The following CLCN4 variants were observed in gnomAD, a reference collection of about 807,000 sequenced individuals.
The protein encoded by CLCN4 is Cl-/H+ antiporter 4.
CLCN4 carries 1 observed loss-of-function variant against 41.7 expected under a neutral mutation model. The ratio of observed to expected loss-of-function variants is 0.02; its 90% CI spans 0.01 to 0.11. The LOEUF is 0.11. CLCN4 is among the 10% of genes least tolerant of loss of function. The probability of loss-of-function intolerance (pLI) is 1.00; values close to 1 mark genes in which losing one functional copy is unlikely to be tolerated. For missense variants in CLCN4, 287 were observed against 661.0 expected (o/e 0.43, Z 6.20); for synonymous variants, 277 against 285.8 (o/e 0.97, Z 0.31).
intron 5 of CLCN4, among the ~76,000 whole-genome samples, chrX:10,197,267 C>T (rs1399206358): frequency 8.9e-6 from 1 of 112,287 alleles, no homozygotes; most frequent in Non-Finnish European, 1.9e-5. Flanking sequence ...AAAGTGATCA[C>T]GTTTTTCTTC....
intron 4 of CLCN4, among the ~76,000 whole-genome samples, chrX:10,192,220 C>T (rs183804489): frequency 9.3e-5 from 10 of 107,840 alleles, no homozygotes; most frequent in South Asian, 4.1e-4. Flanking sequence ...CCTTTTTTAC[C>T]CACCACTTAT....
chrX:10,175,564 A>G (rs914863080), intron 2 of CLCN4, among the ~76,000 whole-genome samples: 1 of 111,595 alleles, frequency 9.0e-6, no homozygotes, highest in Non-Finnish European at 1.9e-5. Flanking sequence ...AATCTGTAAG[A>G]AATGAAGCTT....
At position 10,206,901 on chromosome X, in the gene CLCN4, T is replaced by TTTTG. The variant is rs1306184806; in HGVS notation, c.843+128_843+129insGTTT. 10,072 of 469,330 alleles carry TTTTG rather than the reference T, an allele frequency of 0.021. 562 individuals carry two copies. The African/African-American group carries it at 0.22, about 10-fold the overall frequency. 38.7% of individuals were successfully genotyped at this position (469,330 alleles called of 1,213,427 possible). ...AGGAGCCACAATTTCCACTGTTTTT[T>TTTTG]TTTTGTTTTGTTTTTGTTTTTGTTT... is the stretch of plus-strand genomic sequence containing the variant. On this transcript the variant is annotated intron_variant, in intron 8 of 12. Transcript: ENST00000380833.
chrX:10,232,877 A>C (rs909544845), intron 12 of CLCN4, among the ~76,000 whole-genome samples: 2 of 111,644 alleles, frequency 1.8e-5, no homozygotes, highest in African/African-American at 6.5e-5. Context: ...ATTTACGTAT[A>C]TAGTCAGAGA....
intron 2 of CLCN4, among the ~76,000 whole-genome samples, chrX:10,179,141 G>T (rs778198029): frequency 1.7e-4 from 19 of 112,499 alleles, no homozygotes; most frequent in Non-Finnish European, 3.4e-4. Flanking sequence ...TGAAGATAGC[G>T]CTGAACTTTC....
intron 2 of CLCN4, among the ~76,000 whole-genome samples, chrX:10,180,962 G>A (rs967418098): frequency 9.1e-5 from 10 of 109,838 alleles, no homozygotes; most frequent in African/African-American, 2.6e-4. Flanking sequence ...ACAAGCCTTC[G>A]GATGATGCCA....
intron 9 of CLCN4, among the ~76,000 whole-genome samples, chrX:10,209,142 T>G (rs1924471637): frequency 9.0e-6 from 1 of 111,345 alleles, no homozygotes; most frequent in African/African-American, 3.3e-5. Flanking sequence ...AGCACCACGC[T>G]GGTATGACGG....
At chrX:10,171,099 G>A (rs775962494) in intron 2 of CLCN4, among the ~76,000 whole-genome samples, 3 of 111,728 alleles carry the variant, frequency 2.7e-5, no homozygotes, top group Non-Finnish European at 3.8e-5. Context: ...TGTTGGTCAG[G>A]CTGGTCTCGA....
At chrX:10,175,541 G>A (rs1347286662) in intron 2 of CLCN4, among the ~76,000 whole-genome samples, 2 of 111,606 alleles carry the variant, frequency 1.8e-5, no homozygotes, top group Non-Finnish European at 3.8e-5. Context: ...ATGAGTCACT[G>A]GGGCTCCTGG....
At position 10,208,112 on chromosome X, in the gene CLCN4, C is replaced by T. The variant is rs758243017; in HGVS notation, c.911C>T (p.Thr304Met). 9 of 1,209,675 alleles carry T rather than the reference C, an allele frequency of 7.4e-6. No individual in the cohort carries two copies. The highest frequency in any genetic ancestry group is 2.2e-5 in the Admixed American group (1 of 45,750). The stretch of plus-strand genomic sequence containing the variant: ...TTCGCAGCCCTGGTGGCGGCCTTTA[C>T]GCTGAGATCCATCAATCCCTTTGGG... ...SFFAALVAAF[T>M]LRSINPFGNS... The change falls in exon 9 of 13, where the codon ACG becomes ATG. Residue 304 changes from threonine to methionine, a missense_variant. Physicochemically the swap from Thr to Met is moderately conservative, Grantham distance 81. This residue lies in a region of CLCN4 where 8 missense variants were observed against 51.0 expected (regional missense o/e 0.16). Coordinates refer to ENST00000380833, the MANE Select transcript of CLCN4 (RefSeq NM_001830.4).
chrX:10,161,029 G>A (rs755920845), intron 2 of CLCN4, among the ~76,000 whole-genome samples: 1 of 110,253 alleles, frequency 9.1e-6, no homozygotes, highest in East Asian at 2.9e-4. Flanking sequence ...GTGGTGGTGG[G>A]GTGCTTAGAA....
chrX:10,157,897 C>T (rs771994464), intron 1 of CLCN4, among the ~76,000 whole-genome samples: 3 of 112,533 alleles, frequency 2.7e-5, no homozygotes, highest in Non-Finnish European at 5.6e-5. Context: ...CGTGGTGTCA[C>T]CATTTTTTCC....
At chrX:10,183,172 C>T (rs191374015) in intron 2 of CLCN4, among the ~76,000 whole-genome samples, 102 of 112,181 alleles carry the variant, frequency 9.1e-4, no homozygotes, top group African/African-American at 3.2e-3. Context: ...TTCCTCATAT[C>T]ATTGGTTGCT....
intron 6 of CLCN4, among the ~76,000 whole-genome samples, chrX:10,205,607 CTTTT>C (rs923729645): frequency 3.3e-5 from 3 of 90,641 alleles, no homozygotes; most frequent in East Asian, 3.2e-4. Context: ...TGGCATATTC[CTTTT>C]TTTTTTTTTT....
In CLCN4 at chrX:10,236,319, CAGTT is replaced by C. The variant is rs1487704377; in HGVS notation, c.*2736_*2739del. 1 of 111,991 alleles carries C rather than the reference CAGTT, an allele frequency of 8.9e-6. No individual in the cohort carries two copies. The highest frequency in any genetic ancestry group is 9.5e-5 in the Admixed American group (1 of 10,565). 9.2% of individuals were successfully genotyped at this position (111,991 alleles called of 1,213,427 possible). Reference sequence around the variant, plus strand: ...GAGATACCTGCAAATTCATGGCAAACAGTTGGAAGAGTTACTTGACTGAAACAAC... The same window carrying C: ...GAGATACCTGCAAATTCATGGCAAACGGAAGAGTTACTTGACTGAAACAAC... On this transcript the variant is annotated 3_prime_UTR_variant, in exon 13 of 13. Transcript: ENST00000380833.
intron 2 of CLCN4, among the ~76,000 whole-genome samples, chrX:10,166,278 G>A (rs902237984): frequency 6.2e-5 from 7 of 112,095 alleles, no homozygotes; most frequent in Non-Finnish European, 1.3e-4. Flanking sequence ...CATCAGCAGC[G>A]CGCGTCCCTT....
chrX:10,197,790 G>C, intron 5 of CLCN4, 149 bp from the exon 6 acceptor site: 1 of 586,654 alleles, frequency 1.7e-6, no homozygotes, highest in Non-Finnish European at 2.7e-6. Flanking sequence ...ATAAACCTAC[G>C]CTGGCCTTTT....
At chrX:10,174,079 C>G (rs1178182947) in intron 2 of CLCN4, among the ~76,000 whole-genome samples, 2 of 112,405 alleles carry the variant, frequency 1.8e-5, no homozygotes, top group Non-Finnish European at 3.8e-5. Flanking sequence ...CAAGCATCCC[C>G]TGGGGGCAGA....
rs1010755464 is a variant in CLCN4, at chrX:10,204,094, C to T, written c.556-2264C>T. Among the ~76,000 whole-genome samples the T allele has an allele frequency of 3.6e-5, 4 of 111,872 alleles. No individual in the cohort carries two copies. The Admixed American group carries it at 3.8e-4, about 11-fold the overall frequency. ...GTTGGAGGTAGAAAAGTTGTTTGATCATTGATGATGCTTCTATATCTAAGA... is the reference window on the plus strand; with the variant it reads ...GTTGGAGGTAGAAAAGTTGTTTGATTATTGATGATGCTTCTATATCTAAGA... On this transcript the variant is annotated intron_variant, in intron 6 of 12. Coordinates refer to ENST00000380833, the MANE Select transcript of CLCN4 (RefSeq NM_001830.4).
Sources: gnomAD v4.1 joint callset for allele counts (sites outside exome capture counted in the v4.1 genomes callset) on GRCh38, gnomAD v4.1.1 for gene constraint, gnomAD v4.1.1 regional missense constraint, MANE v1.5 for transcripts, NCBI Gene and HGNC (gene_info 2026-07-23, HGNC 2026-07-21) for gene names.